Variants in XRCC5 observed in about 807,000 individuals in gnomAD.
XRCC5 encodes the protein X-ray repair cross complementing 5.
In XRCC5, 12 loss-of-function variants were observed where a neutral mutation model predicts 95.7. The ratio of observed to expected loss-of-function variants is 0.13; its 90% CI spans 0.08 to 0.20. The LOEUF (loss-of-function observed/expected upper bound fraction) is 0.20. Among genes scored for constraint, XRCC5 ranks in the 10% least tolerant of loss-of-function variants. The pLI, the probability that XRCC5 is intolerant of heterozygous loss-of-function variation, is 1.00. For missense variants in XRCC5, 595 were observed against 873.9 expected (o/e 0.68, Z 4.02); for synonymous variants, 281 against 290.3 (o/e 0.97, Z 0.33).
At chr2:216,119,406 C>A (rs1331411255) in intron 5 of XRCC5, among the ~76,000 whole-genome samples, 1 of 152,178 alleles carries the variant, frequency 6.6e-6, no homozygotes, top group Non-Finnish European at 1.5e-5. Flanking sequence ...AGCTTAGTGG[C>A]AGATCATTGT....
intron 13 of XRCC5, among the ~76,000 whole-genome samples, chr2:216,143,908 G>T (rs1023440955): frequency 1.3e-5 from 2 of 151,604 alleles, no homozygotes; most frequent in Non-Finnish European, 2.9e-5. Flanking sequence ...TAGAGACGGG[G>T]TTTCGCTGTG....
At chr2:216,172,892 C>T (rs1689196396) in intron 16 of XRCC5, among the ~76,000 whole-genome samples, 1 of 152,116 alleles carries the variant, frequency 6.6e-6, no homozygotes, top group Non-Finnish European at 1.5e-5. Context: ...GGAATAGTTA[C>T]TCATTTATTT....
Position 216,137,136 on chromosome 2 carries a change from G to C in XRCC5, c.1162G>C (p.Asp388His). Residue 388 changes from aspartate (D) to histidine (H), a missense_variant, in exon 11 of 21, where the codon GAC becomes CAC. Around this residue, in one of 2 missense-constraint regions of XRCC5, gnomAD observed 286 missense variants for 491.1 expected, o/e 0.58. Coordinates refer to ENST00000392132, the MANE Select transcript of XRCC5 (RefSeq NM_021141.4). Reference protein sequence around the residue: ...SSLIHALDDLDMVAIVRYAYD... With the variant: ...SSLIHALDDLHMVAIVRYAYD... ...CCTGATTCATGCTTTGGATGACTTA[G>C]ACATGGTGGCCATAGTTCGATATGC... 2 of 1,614,028 alleles carry C rather than the reference G, an allele frequency of 1.2e-6. No homozygotes were observed. Among genetic ancestry groups the C allele is most frequent in the Non-Finnish European group, 1.7e-6 (2 of 1,179,928 alleles).
intron 16 of XRCC5, among the ~76,000 whole-genome samples, chr2:216,166,241 C>G (rs1046330159): frequency 1.3e-5 from 2 of 152,060 alleles, no homozygotes; most frequent in Non-Finnish European, 2.9e-5. Flanking sequence ...CCACCTCCAC[C>G]CCGCCAAGTA....
At chr2:216,167,118 T>C in intron 16 of XRCC5, among the ~76,000 whole-genome samples, 1 of 152,156 alleles carries the variant, frequency 6.6e-6, no homozygotes, top group Non-Finnish European at 1.5e-5. Context: ...GTAGAAATAA[T>C]ACAGACCCCA....
chr2:216,157,739 A>G (rs1037013198), intron 14 of XRCC5, among the ~76,000 whole-genome samples: 1 of 152,264 alleles, frequency 6.6e-6, no homozygotes, highest in African/African-American at 2.4e-5. Context: ...TGCAAAATTC[A>G]TACATGTTTG....
At chr2:216,117,280 G>A (rs1238044782) in intron 3 of XRCC5, 1 of 180,224 alleles carries the variant, frequency 5.5e-6, no homozygotes, top group East Asian at 1.5e-4. Flanking sequence ...CCCAAAGTGA[G>A]ATTTCCAGTT....
intron 16 of XRCC5, among the ~76,000 whole-genome samples, chr2:216,182,174 G>T (rs73060306): frequency 0.027 from 4,123 of 152,152 alleles, 190 homozygotes; most frequent in African/African-American, 0.094. Context: ...TCTCTCCTTG[G>T]TGAGGAGTCT....
At position 216,127,636 on chromosome 2, in the gene XRCC5, A is replaced by T; in HGVS notation, c.899A>T (p.Asp300Val). Reference sequence around the variant, plus strand: ...GAAACAGTTTATTGCTTAAATGATGATGATGAAACTGAAGTTTTAAAAGAG... The same window carrying T: ...GAAACAGTTTATTGCTTAAATGATGTTGATGAAACTGAAGTTTTAAAAGAG... ...QKETVYCLND[D>V]DETEVLKEDI... The change falls in exon 8 of 21, where the codon GAT becomes GTT. Residue 300 changes from aspartate to valine, a missense_variant. Physicochemically the swap from Asp to Val is radical, Grantham distance 152. This residue lies in a region of XRCC5 where 286 missense variants were observed against 491.1 expected (regional missense o/e 0.58). Transcript: ENST00000392132. 1 of 1,608,836 alleles carries T rather than the reference A, an allele frequency of 6.2e-7. No homozygotes were observed. Among genetic ancestry groups the T allele is most frequent in the Non-Finnish European group, 8.5e-7 (1 of 1,178,620 alleles).
In XRCC5 at chr2:216,112,982, T is replaced by C. The variant is rs772869384; in HGVS notation, c.22-34T>C. On this transcript the variant is annotated intron_variant, in intron 1 of 20. Transcript: ENST00000392132. ...TCTTACAGTCTTTTCTTACGACTTA[T>C]TTTCTCAAACACTCTTTGGAACTTT... 7.1e-6 allele frequency: 11 copies of C among 1,542,186 alleles called. No homozygotes were observed. The East Asian group carries it at 9.0e-5, about 13-fold the overall frequency.
intron 15 of XRCC5, among the ~76,000 whole-genome samples, chr2:216,160,443 T>C (rs41301702): frequency 0.011 from 1,739 of 152,236 alleles, 36 homozygotes; most frequent in African/African-American, 0.039. Flanking sequence ...TTGGCATTAT[T>C]TTGCAGCTTT....
At chr2:216,188,398 A>C (rs576173894) in intron 16 of XRCC5, among the ~76,000 whole-genome samples, 2 of 152,234 alleles carry the variant, frequency 1.3e-5, no homozygotes, top group African/African-American at 4.8e-5. Flanking sequence ...CTTGTCTTCA[A>C]CTTAATTCTG....
At chr2:216,147,706 G>C (rs897729579) in intron 13 of XRCC5, among the ~76,000 whole-genome samples, 5 of 152,176 alleles carry the variant, frequency 3.3e-5, no homozygotes, top group African/African-American at 1.2e-4. Flanking sequence ...GCATGATTAA[G>C]AGAGATAAAA....
Position 216,109,383 on chromosome 2 carries a change from A to G in XRCC5, c.-54A>G. On this transcript the variant is annotated 5_prime_UTR_variant, in exon 1 of 21. Transcript: ENST00000392132. ...GCTTGTCCACCGGAAGCGAGTTGCG[A>G]CACGGCAGGTTCCCGCCCGGAAGAA... 1 of 1,612,792 alleles carries G rather than the reference A, an allele frequency of 6.2e-7. No individual in the cohort carries two copies. Among genetic ancestry groups the G allele is most frequent in the Non-Finnish European group, 8.5e-7 (1 of 1,179,416 alleles).
At position 216,134,245 on chromosome 2, in the gene XRCC5, A is replaced by G. The variant is rs186039005; in HGVS notation, c.1113+1858A>G. On this transcript the variant is annotated intron_variant, in intron 10 of 20. Transcript: ENST00000392132. The stretch of plus-strand genomic sequence containing the variant: ...CCTCTTTAAAAAGTTTTCTCTGGTC[A>G]TTAGCATATAATTTTTTGTATTGAG... Among the ~76,000 whole-genome samples the G allele has an allele frequency of 2.0e-3, 302 of 152,316 alleles. 2 individuals carry two copies. Among genetic ancestry groups the G allele is most frequent in the African/African-American group, 6.9e-3 (286 of 41,582 alleles).
At chr2:216,179,606 G>T (rs1174297544) in intron 16 of XRCC5, among the ~76,000 whole-genome samples, 1 of 152,318 alleles carries the variant, frequency 6.6e-6, no homozygotes. Context: ...GTGGATATCT[G>T]GGAGGAGAGC....
At chr2:216,142,011 G>A (rs926687672) in intron 13 of XRCC5, among the ~76,000 whole-genome samples, 4 of 151,606 alleles carry the variant, frequency 2.6e-5, no homozygotes, top group Non-Finnish European at 4.4e-5. Context: ...CCGAGATCAC[G>A]ACCCTGTACT....
In XRCC5 at chr2:216,194,996, G is replaced by C. The variant is rs201878540; in HGVS notation, c.2109+10G>C. 1.2e-6 allele frequency: 2 copies of C among 1,613,152 alleles called. No homozygotes were observed. Among genetic ancestry groups the C allele is most frequent in the Admixed American group, 1.7e-5 (1 of 60,000 alleles). On this transcript the variant is annotated intron_variant, in intron 19 of 20. Transcript: ENST00000392132. Reference sequence around the variant, plus strand: ...TGAGGAAGCCAAAAAGGTATTGAGGGGTAAACCTTTGTCTTTAGTTGAATT... The same window carrying C: ...TGAGGAAGCCAAAAAGGTATTGAGGCGTAAACCTTTGTCTTTAGTTGAATT...
At chr2:216,132,574 C>G (rs1697012164) in intron 10 of XRCC5, among the ~76,000 whole-genome samples, 187 bp downstream of exon 10, 1 of 152,160 alleles carries the variant, frequency 6.6e-6, no homozygotes, top group South Asian at 2.1e-4. Context: ...GAGCACAAGA[C>G]CCGAGGACAT....
Sources: gnomAD v4.1 joint callset for allele counts (sites outside exome capture counted in the v4.1 genomes callset) on GRCh38, gnomAD v4.1.1 for gene constraint, gnomAD v4.1.1 regional missense constraint, MANE v1.5 for transcripts, NCBI Gene and HGNC (gene_info 2026-07-23, HGNC 2026-07-21) for gene names.